Variants in GALNT15 observed in about 807,000 individuals in gnomAD.
GALNT15 encodes the protein UDP-GalNAc transferase T15.
GALNT15 carries 67 observed loss-of-function variants against 66.8 expected under a neutral mutation model. The observed-to-expected ratio is 1.00, with a 90% CI of 0.82 to 1.23. The LOEUF (loss-of-function observed/expected upper bound fraction) is 1.23, where lower values mean the gene tolerates loss of function less well. GALNT15 is among the 50% of genes most tolerant of loss of function. GALNT15 has a pLI of 0.00. For missense variants in GALNT15, 827 were observed against 804.3 expected, an observed-to-expected ratio of 1.03 and a Z score of -0.34; for synonymous variants, 313 against 311.5, an observed-to-expected ratio of 1.00 and a Z score of -0.05.
intron 1 of GALNT15, among the ~76,000 whole-genome samples, chr3:16,179,947 G>A (rs1269237681): frequency 6.6e-6 from 1 of 152,218 alleles, no homozygotes; most frequent in African/African-American, 2.4e-5. Context: ...AGCACGGATG[G>A]TTTTCAAAGT....
chr3:16,222,761 G>T lies in GALNT15; in HGVS notation c.1773+3G>T. On this transcript the variant is annotated splice_donor_region_variant and intron_variant, in intron 9 of 9. Coordinates refer to ENST00000339732, the MANE Select transcript of GALNT15 (RefSeq NM_054110.5). ...AGCAGCACTGGGACTTCCAGGAGGT[G>T]AGTAATCTGTTCAGGAAGAGCCTGG... The T allele has an allele frequency of 6.2e-7, 1 of 1,613,910 alleles. No individual in the cohort carries two copies. The highest frequency in any genetic ancestry group is 8.5e-7 in the Non-Finnish European group (1 of 1,179,984).
intron 3 of GALNT15, among the ~76,000 whole-genome samples, chr3:16,201,109 C>G (rs976265288): frequency 6.6e-6 from 1 of 152,082 alleles, no homozygotes; most frequent in African/African-American, 2.4e-5. Context: ...AATTGCATGA[C>G]GAGGGTAACA....
At chr3:16,207,826 T>C (rs1274509361) in intron 3 of GALNT15, among the ~76,000 whole-genome samples, 1 of 152,148 alleles carries the variant, frequency 6.6e-6, no homozygotes, top group Non-Finnish European at 1.5e-5. Flanking sequence ...AGTTTTCCCC[T>C]GAATCTCAAA....
chr3:16,181,704 G>A lies in GALNT15; in HGVS notation c.539+6014G>A, dbSNP rs956988348. Among the ~76,000 whole-genome samples the A allele has an allele frequency of 2.1e-4, 32 of 152,128 alleles. No individual in the cohort carries two copies. The highest frequency in any genetic ancestry group is 5.3e-4 in the African/African-American group (22 of 41,436). ...ATCCAAGAGAGCAGACATGCCCTTCGGGATGAGGGACAAGAACAGGAACAA... is the reference window on the plus strand; with the variant it reads ...ATCCAAGAGAGCAGACATGCCCTTCAGGATGAGGGACAAGAACAGGAACAA... On this transcript the variant is annotated intron_variant, in intron 1 of 9. Coordinates refer to ENST00000339732, the MANE Select transcript of GALNT15 (RefSeq NM_054110.5). This position sits in a 1 kb window ranked among gnomAD's most constrained non-coding sequence, Gnocchi z 5.9.
rs1383813168 is a variant in GALNT15, at chr3:16,208,451, C to T, written c.912-52C>T. On this transcript the variant is annotated intron_variant, in intron 3 of 9. Coordinates refer to ENST00000339732, the MANE Select transcript of GALNT15 (RefSeq NM_054110.5). ...AGCCCATGTACAGACTGTTTCCAGC[C>T]CCAGCAAGTAAATGCTTTACGTCCC... 3.8e-6 allele frequency: 6 copies of T among 1,588,974 alleles called. No individual in the cohort carries two copies. The Admixed American group carries it at 8.4e-5, about 22-fold the overall frequency.
At chr3:16,215,257 G>A (rs1167165855) in intron 6 of GALNT15, among the ~76,000 whole-genome samples, 4 of 152,206 alleles carry the variant, frequency 2.6e-5, no homozygotes. Flanking sequence ...TTGGGGACTG[G>A]CATGATTTTT....
rs1271395153 is a variant in GALNT15, at chr3:16,181,180, G to A, written c.539+5490G>A. ...ACTGAAAAGTTATTTTCTGGCCCTG[G>A]AGGCTGCTAAATCATCATAAATGTG... is the stretch of plus-strand genomic sequence containing the variant. On this transcript the variant is annotated intron_variant, in intron 1 of 9. Transcript: ENST00000339732. This position sits in a 1 kb window ranked among gnomAD's most constrained non-coding sequence, Gnocchi z 5.9. Among the ~76,000 whole-genome samples the A allele has an allele frequency of 2.6e-5, 4 of 152,150 alleles. No individual in the cohort carries two copies. The highest frequency in any genetic ancestry group is 4.8e-5 in the African/African-American group (2 of 41,420).
intron 4 of GALNT15, 68 bp downstream of exon 4, chr3:16,208,738 G>A: frequency 6.9e-7 from 1 of 1,448,406 alleles, no homozygotes; most frequent in Non-Finnish European, 9.6e-7. Context: ...CTGCCTGCCT[G>A]GGGTCTAATC....
At chr3:16,221,397 C>T (rs769754085) in intron 8 of GALNT15, among the ~76,000 whole-genome samples, 21 of 150,744 alleles carry the variant, frequency 1.4e-4, no homozygotes, top group South Asian at 4.2e-4. Flanking sequence ...CATGAATAAA[C>T]GAGTTTATAA....
Position 16,200,934 on chromosome 3 carries a change from G to T in GALNT15, c.911+111G>T. ...TATTAATTCCTGAATCTCCATTAGA[G>T]AGTGATATATTCCCTTCGGGTTTTC... On this transcript the variant is annotated intron_variant, in intron 3 of 9. Coordinates refer to ENST00000339732, the MANE Select transcript of GALNT15 (RefSeq NM_054110.5). The surrounding 1 kb of genome is among the most constrained non-coding windows in gnomAD (Gnocchi z 4.4). 2 of 785,698 alleles carry T rather than the reference G, an allele frequency of 2.5e-6. No individual in the cohort carries two copies. Among genetic ancestry groups the T allele is most frequent in the Non-Finnish European group, 3.9e-6 (2 of 509,080 alleles). The allele number at this position is 785,698 out of a possible 1,614,324, so 48.7% of individuals were successfully genotyped here. A position where few individuals can be genotyped will look rare whatever the true frequency, so the allele number is the denominator to read the frequency against.
chr3:16,231,433 T>C (rs2064080605), downstream of GALNT15, among the ~76,000 whole-genome samples: 2 of 152,342 alleles, frequency 1.3e-5, no homozygotes, highest in South Asian at 4.1e-4. The surrounding 1 kb of genome is among the most constrained non-coding windows in gnomAD (Gnocchi z 4.1). Flanking sequence ...GTTTTAATAT[T>C]ATGAGGATCT....
At chr3:16,178,868 A>G (rs991615364) in intron 1 of GALNT15, among the ~76,000 whole-genome samples, 7 of 152,302 alleles carry the variant, frequency 4.6e-5, no homozygotes, top group Middle Eastern at 3.4e-3. Flanking sequence ...ACCCCGTGCT[A>G]TCGCCAGCCA....
chr3:16,203,027 AC>A lies in GALNT15; in HGVS notation c.911+2209del, dbSNP rs2063718938. 6.6e-6 allele frequency among the ~76,000 whole-genome samples: 1 copy of A among 151,852 alleles called. No individual in the cohort carries two copies. Among genetic ancestry groups the A allele is most frequent in the South Asian group, 2.1e-4 (1 of 4,806 alleles). On this transcript the variant is annotated intron_variant, in intron 3 of 9. Coordinates refer to ENST00000339732, the MANE Select transcript of GALNT15 (RefSeq NM_054110.5). The surrounding 1 kb of genome is among the most constrained non-coding windows in gnomAD (Gnocchi z 6.2). ...CTTCTTTCATATGCCTTCTTTAATG[AC>A]CCCCATGAGAGGCCTCAGGCAGGTA... is the stretch of plus-strand genomic sequence containing the variant.
rs977315357 is a variant in GALNT15, at chr3:16,225,229, G to T, written c.1774-2125G>T. Among the ~76,000 whole-genome samples, 21 of 152,234 alleles carry T rather than the reference G, an allele frequency of 1.4e-4. No individual in the cohort carries two copies. Among genetic ancestry groups the T allele is most frequent in the Admixed American group, 6.5e-5 (1 of 15,302 alleles). ...AAGAAGACAGCACGAAGCCATGAGG[G>T]ATCTGTCCCCATGATCCAAACATCC... On this transcript the variant is annotated intron_variant, in intron 9 of 9. Coordinates refer to ENST00000339732, the MANE Select transcript of GALNT15 (RefSeq NM_054110.5). This position sits in a 1 kb window ranked among gnomAD's most constrained non-coding sequence, Gnocchi z 4.4.
rs1055691798 is a variant in GALNT15 at position 16,200,904 on chromosome 3, C to A, written c.911+81C>A. 2 of 1,065,956 alleles carry A rather than the reference C, an allele frequency of 1.9e-6. No homozygotes were observed. The highest frequency in any genetic ancestry group is 2.7e-6 in the Non-Finnish European group (2 of 751,330). 66.0% of individuals were successfully genotyped at this position (1,065,956 alleles called of 1,614,324 possible). ...CAGCATCAGCCACTCACAGAGCAAC[C>A]CACCTATTAATTCCTGAATCTCCAT... On this transcript the variant is annotated intron_variant, in intron 3 of 9. Transcript: ENST00000339732. This position sits in a 1 kb window ranked among gnomAD's most constrained non-coding sequence, Gnocchi z 4.4.
At position 16,225,853 on chromosome 3, in the gene GALNT15, A is replaced by G. The variant is rs1039779968; in HGVS notation, c.1774-1501A>G. Among the ~76,000 whole-genome samples, 9 of 152,050 alleles carry G rather than the reference A, an allele frequency of 5.9e-5. No individual in the cohort carries two copies. Among genetic ancestry groups the G allele is most frequent in the Non-Finnish European group, 1.2e-4 (8 of 68,008 alleles). ...GGAGTTCGAGACCAGCCTGGCCAATATGGGTTTTTAGTAGAGAAAACCCAT... is the reference window on the plus strand; with the variant it reads ...GGAGTTCGAGACCAGCCTGGCCAATGTGGGTTTTTAGTAGAGAAAACCCAT... On this transcript the variant is annotated intron_variant, in intron 9 of 9. Coordinates refer to ENST00000339732, the MANE Select transcript of GALNT15 (RefSeq NM_054110.5). The surrounding 1 kb of genome is among the most constrained non-coding windows in gnomAD (Gnocchi z 4.4).
chr3:16,204,952 CGT>C lies in GALNT15; in HGVS notation c.912-3541_912-3540del, dbSNP rs372621703. Among the ~76,000 whole-genome samples the C allele has an allele frequency of 2.1e-4, 32 of 152,016 alleles. No homozygotes were observed. Among genetic ancestry groups the C allele is most frequent in the African/African-American group, 6.5e-4 (27 of 41,376 alleles). ...GTGGGGGGGAGCGAGCATGTGCGTG[CGT>C]GTGTGTGTGCGCGCGCATGTGCGCG... On this transcript the variant is annotated intron_variant, in intron 3 of 9. Coordinates refer to ENST00000339732, the MANE Select transcript of GALNT15 (RefSeq NM_054110.5). This position sits in a 1 kb window ranked among gnomAD's most constrained non-coding sequence, Gnocchi z 4.5.
In GALNT15 at chr3:16,186,442, T is replaced by C. The variant is rs1252771835; in HGVS notation, c.540-9318T>C. ...GCCAGTAATACCAGTCCTAGGTATA[T>C]ACTCAAGAAAATTAAAAACATGTTC... On this transcript the variant is annotated intron_variant, in intron 1 of 9. Transcript: ENST00000339732. The surrounding 1 kb of genome is among the most constrained non-coding windows in gnomAD (Gnocchi z 5.1). 6.6e-6 allele frequency among the ~76,000 whole-genome samples: 1 copy of C among 152,212 alleles called. No homozygotes were observed. The highest frequency in any genetic ancestry group is 2.1e-4 in the South Asian group (1 of 4,832).
chr3:16,190,508 G>C (rs1040830819), intron 1 of GALNT15, among the ~76,000 whole-genome samples: 6 of 152,032 alleles, frequency 3.9e-5, no homozygotes, highest in Non-Finnish European at 5.9e-5. Context: ...CGTGGTGGCG[G>C]GCGCCTGTAG....
Sources: allele counts gnomAD v4.1 joint callset (sites outside exome capture counted in the v4.1 genomes callset), GRCh38; gene constraint gnomAD v4.1.1; non-coding constraint Gnocchi (gnomAD v3.1); transcripts MANE v1.5; gene names NCBI Gene and HGNC (gene_info 2026-07-23, HGNC 2026-07-21).